The following KIF24 variants were observed in gnomAD, a reference collection of about 807,000 sequenced individuals.
KIF24 encodes the protein kinesin-like protein KIF24.
In KIF24, 81 loss-of-function variants were observed where a neutral mutation model predicts 118.9. The observed-to-expected ratio is 0.68, with a 90% CI of 0.57 to 0.82. KIF24 has a LOEUF of 0.82. Among genes scored for constraint, KIF24 ranks in the 40% least tolerant of loss-of-function variants. The pLI is 0.00. For missense variants in KIF24, 1,560 were observed against 1,661.6 expected, an observed-to-expected ratio of 0.94 and a Z score of 1.06; for synonymous variants, 599 against 610.0, an observed-to-expected ratio of 0.98 and a Z score of 0.27.
chr9:34,311,078 A>G lies in KIF24; in HGVS notation c.269T>C (p.Leu90Ser). The part of the protein sequence containing the change: ...TSSLRIKSQE[L>S]RSGPRRQLNF... The stretch of plus-strand genomic sequence containing the variant: ...CAGCTGTCTGCGAGGGCCAGATCTT[A>G]ATTCCTGAGATTTGATGCGCAGGCT... Residue 90 changes from leucine to serine, a missense_variant, in exon 2 of 13, where the codon TTA becomes TCA. Leu to Ser is a moderately radical substitution (Grantham distance 145, BLOSUM62 -2). Coordinates refer to ENST00000402558, the MANE Select transcript of KIF24 (RefSeq NM_194313.4). 6.2e-7 allele frequency: 1 copy of G among 1,613,846 alleles called. No homozygotes were observed. Among genetic ancestry groups the G allele is most frequent in the Middle Eastern group, 1.6e-4 (1 of 6,062 alleles).
intron 4 of KIF24, among the ~76,000 whole-genome samples, chr9:34,290,848 C>T (rs1037394191): frequency 2.7e-4 from 41 of 152,264 alleles, no homozygotes; most frequent in Admixed American, 1.4e-3. Flanking sequence ...GATCTGCCCA[C>T]CTCGGCCACT....
chr9:34,286,849 A>C lies in KIF24; in HGVS notation c.1128-145T>G, dbSNP rs1448862005. 13 of 614,750 alleles carry C rather than the reference A, an allele frequency of 2.1e-5. No individual in the cohort carries two copies. The East Asian group carries it at 3.3e-4, about 16-fold the overall frequency. The allele number at this position is 614,750 out of a possible 1,614,324, so 38.1% of individuals were successfully genotyped here. A position where few individuals can be genotyped will look rare whatever the true frequency, so the allele number is the denominator to read the frequency against. On this transcript the variant is annotated intron_variant, in intron 5 of 12. Coordinates refer to ENST00000402558, the MANE Select transcript of KIF24 (RefSeq NM_194313.4). Reference sequence around the variant, plus strand: ...GGATGCTTATCCTCCTCCCAACCCCACCCTCCTGACCTCAGCCCGATTCAG... The same window carrying C: ...GGATGCTTATCCTCCTCCCAACCCCCCCCTCCTGACCTCAGCCCGATTCAG...
chr9:34,297,678 C>G (rs1050458443), intron 3 of KIF24, among the ~76,000 whole-genome samples: 1 of 151,368 alleles, frequency 6.6e-6, no homozygotes, highest in Non-Finnish European at 1.5e-5. Flanking sequence ...AGGAGAATGG[C>G]GTGAACCCAG....
intron 6 of KIF24, chr9:34,282,704 A>T (rs570850574): frequency 2.0e-5 from 3 of 152,300 alleles, no homozygotes; most frequent in African/African-American, 7.2e-5. Flanking sequence ...TAAAAAAAAA[A>T]AAGATACTAC....
At chr9:34,281,075 G>T (rs1330046296) in intron 6 of KIF24, among the ~76,000 whole-genome samples, 1 of 152,038 alleles carries the variant, frequency 6.6e-6, no homozygotes, top group Non-Finnish European at 1.5e-5. Flanking sequence ...GCCTAGGCTG[G>T]AGTGCAATGG....
At chr9:34,307,201 G>A (rs1354414484) in intron 2 of KIF24, among the ~76,000 whole-genome samples, 2 of 152,048 alleles carry the variant, frequency 1.3e-5, no homozygotes, top group African/African-American at 2.4e-5. Context: ...AAGTAGCTAG[G>A]ACTATAGCAT....
chr9:34,286,434 A>G (rs530121290), intron 6 of KIF24, among the ~76,000 whole-genome samples, 183 bp downstream of exon 6: 1 of 152,320 alleles, frequency 6.6e-6, no homozygotes, highest in East Asian at 1.9e-4. Context: ...CGTGGGAGAA[A>G]CCCTATAGAG....
chr9:34,260,288 G>A (rs890251547), intron 9 of KIF24, among the ~76,000 whole-genome samples: 1 of 152,084 alleles, frequency 6.6e-6, no homozygotes, highest in South Asian at 2.1e-4. Context: ...AAGTATATAT[G>A]ATATTCATTA....
At chr9:34,312,662 G>T (rs1837207490) in intron 1 of KIF24, among the ~76,000 whole-genome samples, 1 of 152,152 alleles carries the variant, frequency 6.6e-6, no homozygotes, top group African/African-American at 2.4e-5. Flanking sequence ...AATGGGCTGA[G>T]TAACACATCC....
intron 9 of KIF24, 120 bp downstream of exon 9, chr9:34,262,981 C>T (rs1835151019): frequency 2.8e-6 from 2 of 712,416 alleles, no homozygotes; most frequent in Non-Finnish European, 2.5e-6. Flanking sequence ...CTTCTCTTTT[C>T]CCCACTGTGC....
At chr9:34,294,206 G>A (rs958264539) in intron 4 of KIF24, among the ~76,000 whole-genome samples, 4 of 151,970 alleles carry the variant, frequency 2.6e-5, no homozygotes, top group Non-Finnish European at 5.9e-5. Context: ...CTCCCATCTC[G>A]GCCTCCCACA....
intron 4 of KIF24, 74 bp downstream of exon 4, chr9:34,296,943 A>G (rs1836505454): frequency 2.8e-6 from 2 of 706,112 alleles, no homozygotes; most frequent in East Asian, 5.5e-5. Flanking sequence ...AAAGCATGTG[A>G]TATTTATAAA....
At chr9:34,312,037 A>G (rs1165851557) in intron 1 of KIF24, among the ~76,000 whole-genome samples, 2 of 152,178 alleles carry the variant, frequency 1.3e-5, no homozygotes, top group Non-Finnish European at 2.9e-5. Context: ...CAGAATGAAA[A>G]GCAGAATTAA....
At chr9:34,277,136 G>A (rs1053093479) in intron 6 of KIF24, among the ~76,000 whole-genome samples, 13 of 152,108 alleles carry the variant, frequency 8.5e-5, no homozygotes, top group Non-Finnish European at 1.6e-4. Flanking sequence ...ATAAAGAAGA[G>A]AATATATATC....
At chr9:34,273,373 A>G (rs1378111702) in intron 6 of KIF24, among the ~76,000 whole-genome samples, 1 of 134,908 alleles carries the variant, frequency 7.4e-6, no homozygotes, top group Non-Finnish European at 1.6e-5. Context: ...CCAGCAATGA[A>G]GTTATAAACT....
rs1423620744 is a variant in KIF24 at position 34,269,354 on chromosome 9, A to AT, written c.1345_1346insA (p.Phe449TyrfsTer3). 2 of 1,582,344 alleles carry AT rather than the reference A, an allele frequency of 1.3e-6. No homozygotes were observed. Among genetic ancestry groups the AT allele is most frequent in the Non-Finnish European group, 1.7e-6 (2 of 1,153,308 alleles). On this transcript the variant is annotated frameshift_variant, in exon 8 of 13. Coordinates refer to ENST00000402558, the MANE Select transcript of KIF24 (RefSeq NM_194313.4). LOFTEE classifies it high-confidence loss of function. The stretch of plus-strand genomic sequence containing the variant: ...TCTTTCACTGCCAGCCAAGTCAATA[A>AT]AAGAGATCCTAGAGAAAAGACACAG...
At chr9:34,306,824 C>T (rs916851744) in intron 2 of KIF24, among the ~76,000 whole-genome samples, 1 of 151,750 alleles carries the variant, frequency 6.6e-6, no homozygotes, top group Admixed American at 6.6e-5. Context: ...AGTATTGGTA[C>T]ATTTTGCTGT....
At chr9:34,266,944 GA>G (rs923711046) in intron 8 of KIF24, among the ~76,000 whole-genome samples, 27 of 151,976 alleles carry the variant, frequency 1.8e-4, no homozygotes, top group South Asian at 6.2e-4. Context: ...TATAATAATA[GA>G]AAAAAAGGTA....
Position 34,257,520 on chromosome 9 carries a change from C to G in KIF24, c.2087G>C (p.Arg696Pro). 6.2e-7 allele frequency: 1 copy of G among 1,614,080 alleles called. No individual in the cohort carries two copies. The part of the protein sequence containing the change: ...RASGPGEGLV[R>P]GKLSTKCKKV... ...CTTGCACTTGGTGGACAGCTTACCACGCACTAGGCCTTCTCCTGGGCCTGA... is the reference window on the plus strand; with the variant it reads ...CTTGCACTTGGTGGACAGCTTACCAGGCACTAGGCCTTCTCCTGGGCCTGA... The change falls in exon 11 of 13, where the codon CGT becomes CCT. Residue 696 changes from arginine (R) to proline (P), a missense_variant. By Grantham distance (103) the Arg-to-Pro change is moderately radical. This residue lies in a region of KIF24 where 964 missense variants were observed against 988.0 expected (regional missense o/e 0.98). Coordinates refer to ENST00000402558, the MANE Select transcript of KIF24 (RefSeq NM_194313.4).
Sources: allele counts gnomAD v4.1 joint callset (sites outside exome capture counted in the v4.1 genomes callset), GRCh38; gene constraint gnomAD v4.1.1; regional missense constraint gnomAD v4.1.1; transcripts MANE v1.5; gene names NCBI Gene and HGNC (gene_info 2026-07-23, HGNC 2026-07-21).